SPTBN1: variants seen among roughly 807,000 people sequenced by gnomAD.
The protein encoded by SPTBN1 is spectrin beta, non-erythrocytic 1, also known as spectrin beta chain, non-erythrocytic 1.
SPTBN1 carries 32 observed loss-of-function variants against 266.4 expected under a neutral mutation model. The observed-to-expected ratio is 0.12, with a 90% CI of 0.09 to 0.16. The LOEUF is 0.16. Among genes scored for constraint, SPTBN1 ranks in the 10% least tolerant of loss-of-function variants. The pLI is 1.00. For missense variants in SPTBN1, 2,296 were observed against 3,067.1 expected (o/e 0.75, Z 5.94); for synonymous variants, 1,336 against 1,162.2 (o/e 1.15, Z -3.04).
intron 29 of SPTBN1, 67 bp downstream of exon 29, chr2:54,656,065 G>A: frequency 7.3e-7 from 1 of 1,362,394 alleles, no homozygotes; most frequent in Non-Finnish European, 1.0e-6. Context: ...TTATTTTCTT[G>A]CTTTAATTCA....
chr2:54,560,289 C>T lies in SPTBN1; in HGVS notation c.148+33723C>T, dbSNP rs141225315. 8.9e-3 allele frequency among the ~76,000 whole-genome samples: 1,352 copies of T among 152,094 alleles called. 22 individuals are homozygous for T. The highest frequency in any genetic ancestry group is 0.03 in the African/African-American group (1,231 of 41,458). On this transcript the variant is annotated intron_variant, in intron 2 of 35. Coordinates refer to ENST00000356805, the MANE Select transcript of SPTBN1 (RefSeq NM_003128.3). ...CTCTTCCCCTGGCCCGGACTCCCAG[C>T]TTCATTGTGTCATCCCGCCTGGGGG...
At chr2:54,592,238 A>G (rs999202839) in intron 2 of SPTBN1, among the ~76,000 whole-genome samples, 1 of 152,232 alleles carries the variant, frequency 6.6e-6, no homozygotes, top group Non-Finnish European at 1.5e-5. Flanking sequence ...TTCAGTATTT[A>G]TCACAGTCAT....
chr2:54,481,303 C>T (rs1247919242), intron 1 of SPTBN1, among the ~76,000 whole-genome samples: 1 of 151,918 alleles, frequency 6.6e-6, no homozygotes, highest in Non-Finnish European at 1.5e-5. Context: ...TTTGCCCCAG[C>T]TTTGGAACTC....
intron 2 of SPTBN1, among the ~76,000 whole-genome samples, chr2:54,598,883 C>G (rs548906904): frequency 6.6e-5 from 10 of 152,278 alleles, no homozygotes; most frequent in Admixed American, 5.2e-4. Flanking sequence ...GTAAACCCAT[C>G]GTAAAGTCAA....
chr2:54,556,265 T>C (rs1672866700), intron 2 of SPTBN1, among the ~76,000 whole-genome samples: 1 of 152,210 alleles, frequency 6.6e-6, no homozygotes, highest in South Asian at 2.1e-4. Flanking sequence ...CCCGTGGGGT[T>C]ATTAAACCCT....
At chr2:54,505,499 C>T (rs1669507287) in intron 1 of SPTBN1, among the ~76,000 whole-genome samples, 1 of 152,170 alleles carries the variant, frequency 6.6e-6, no homozygotes, top group Non-Finnish European at 1.5e-5. Flanking sequence ...TAACCCCTAG[C>T]CACTGTGAAG....
intron 2 of SPTBN1, among the ~76,000 whole-genome samples, chr2:54,575,500 A>T (rs1005013513): frequency 1.3e-5 from 2 of 152,274 alleles, no homozygotes; most frequent in African/African-American, 4.8e-5. Context: ...ACTGACGTCC[A>T]CCCACTTGTG....
At chr2:54,530,581 T>C (rs947975036) in intron 2 of SPTBN1, among the ~76,000 whole-genome samples, 7 of 152,082 alleles carry the variant, frequency 4.6e-5, no homozygotes, top group African/African-American at 1.4e-4. Context: ...ACGGTCTCGA[T>C]CTCCTGACCT....
At chr2:54,560,196 G>T (rs1420077424) in intron 2 of SPTBN1, among the ~76,000 whole-genome samples, 1 of 142,356 alleles carries the variant, frequency 7.0e-6, no homozygotes, top group African/African-American at 2.7e-5. Flanking sequence ...GTGGGGGGGG[G>T]CGTTCATTAT....
chr2:54,504,005 C>A (rs755551659), intron 1 of SPTBN1, among the ~76,000 whole-genome samples: 2 of 152,104 alleles, frequency 1.3e-5, no homozygotes, highest in Non-Finnish European at 2.9e-5. Context: ...TCTGAGTATC[C>A]CCCACACTAT....
chr2:54,580,258 A>C (rs1174798190), intron 2 of SPTBN1, among the ~76,000 whole-genome samples: 1 of 152,236 alleles, frequency 6.6e-6, no homozygotes, highest in Non-Finnish European at 1.5e-5. Context: ...CATAGGGAGT[A>C]GATTTTGTTT....
intron 3 of SPTBN1, among the ~76,000 whole-genome samples, chr2:54,607,733 G>A: frequency 6.6e-6 from 1 of 152,114 alleles, no homozygotes; most frequent in East Asian, 1.9e-4. Flanking sequence ...TGGTATCATT[G>A]GGGGTCCTGG....
chr2:54,635,138 C>T (rs1452626025), intron 17 of SPTBN1, among the ~76,000 whole-genome samples: 1 of 152,148 alleles, frequency 6.6e-6, no homozygotes, highest in Non-Finnish European at 1.5e-5. Flanking sequence ...AGTCTTATTA[C>T]AGGGAGAGAA....
chr2:54,521,012 A>C (rs1670404123), intron 1 of SPTBN1, among the ~76,000 whole-genome samples: 1 of 152,182 alleles, frequency 6.6e-6, no homozygotes, highest in East Asian at 1.9e-4. Flanking sequence ...AACTTCCCAC[A>C]GCTATTTAAG....
At chr2:54,526,307 A>T in intron 1 of SPTBN1, 65 bp from the exon 2 acceptor site, 1 of 1,319,470 alleles carries the variant, frequency 7.6e-7, no homozygotes. Context: ...CTCTTATCCC[A>T]GTTGGTTCCG....
intron 2 of SPTBN1, among the ~76,000 whole-genome samples, chr2:54,556,939 T>G (rs1375695793): frequency 2.0e-5 from 3 of 152,188 alleles, no homozygotes; most frequent in African/African-American, 7.2e-5. Flanking sequence ...CCTAGTCAAG[T>G]GCTTTTTCCA....
chr2:54,527,276 A>G (rs994059441), intron 2 of SPTBN1: 3 of 152,254 alleles, frequency 2.0e-5, no homozygotes, highest in South Asian at 2.1e-4. Context: ...AAGGTCCTGC[A>G]TCTGTACTTT....
intron 2 of SPTBN1, among the ~76,000 whole-genome samples, chr2:54,556,217 C>A (rs1374359610): frequency 2.0e-5 from 3 of 152,228 alleles, no homozygotes; most frequent in Non-Finnish European, 4.4e-5. Flanking sequence ...TCCCTGGTCC[C>A]ATCACACCAA....
chr2:54,599,380 C>G, intron 3 of SPTBN1, 137 bp downstream of exon 3: 1 of 1,031,250 alleles, frequency 9.7e-7, no homozygotes, highest in Non-Finnish European at 1.4e-6. Flanking sequence ...GTGAGTTGAG[C>G]GCTTCAGGGA....
Sources: allele counts gnomAD v4.1 joint callset (sites outside exome capture counted in the v4.1 genomes callset), GRCh38; gene constraint gnomAD v4.1.1; transcripts MANE v1.5; gene names NCBI Gene and HGNC (gene_info 2026-07-23, HGNC 2026-07-21).